Variants in DLG1 observed in about 807,000 individuals in gnomAD.
The protein encoded by DLG1 is disks large homolog 1.
In DLG1, 42 loss-of-function variants were observed where a neutral mutation model predicts 123.4. The observed-to-expected ratio is 0.34, with a 90% CI of 0.27 to 0.44. The LOEUF (loss-of-function observed/expected upper bound fraction) is 0.44. Ranked by LOEUF, DLG1 falls within the 20% of genes least tolerant of loss-of-function variation. DLG1 has a pLI of 1.00. For missense variants in DLG1, 942 were observed against 1,082.6 expected, an observed-to-expected ratio of 0.87 and a Z score of 1.82; for synonymous variants, 317 against 356.2, an observed-to-expected ratio of 0.89 and a Z score of 1.24.
At chr3:197,052,424 C>T (rs914977164) in intron 23 of DLG1, among the ~76,000 whole-genome samples, 8 of 152,094 alleles carry the variant, frequency 5.3e-5, no homozygotes, top group African/African-American at 1.9e-4. Flanking sequence ...CACTGCACTC[C>T]AGTCTGGGTG....
intron 4 of DLG1, among the ~76,000 whole-genome samples, chr3:197,270,671 A>G (rs1325993264): frequency 2.0e-5 from 3 of 152,312 alleles, no homozygotes; most frequent in East Asian, 1.9e-4. Context: ...CCCCATACAC[A>G]CTTCACAATA....
intron 14 of DLG1, among the ~76,000 whole-genome samples, chr3:197,093,423 C>T (rs1758864680): frequency 6.6e-6 from 1 of 152,220 alleles, no homozygotes; most frequent in Non-Finnish European, 1.5e-5. Context: ...TCCCAAAGTG[C>T]TGGGATTACC....
intron 4 of DLG1, among the ~76,000 whole-genome samples, chr3:197,220,469 C>T (rs1269421250): frequency 6.6e-6 from 1 of 151,874 alleles, no homozygotes; most frequent in Non-Finnish European, 1.5e-5. Flanking sequence ...AAAGAAAAGG[C>T]TAATAATATA....
intron 5 of DLG1, among the ~76,000 whole-genome samples, chr3:197,157,091 C>G (rs1292010828): frequency 6.6e-6 from 1 of 152,168 alleles, no homozygotes; most frequent in Non-Finnish European, 1.5e-5. Flanking sequence ...GAAAGCTTTT[C>G]CTCTAAGATA....
chr3:197,113,753 T>TAG (rs1299193535), intron 13 of DLG1, among the ~76,000 whole-genome samples: 1 of 152,196 alleles, frequency 6.6e-6, no homozygotes, highest in Non-Finnish European at 1.5e-5. Context: ...TAAGCTGCTA[T>TAG]AGTTTCAGAT....
chr3:197,071,237 T>C (rs1470098147), intron 18 of DLG1, among the ~76,000 whole-genome samples: 2 of 151,680 alleles, frequency 1.3e-5, no homozygotes, highest in African/African-American at 2.4e-5. Context: ...GGGAGGGGAG[T>C]GTAAGTGGGA....
intron 15 of DLG1, among the ~76,000 whole-genome samples, chr3:197,088,886 TCATGACAGCTATTGCATAGTCA>T (rs1461629302): frequency 6.6e-6 from 1 of 152,140 alleles, no homozygotes; most frequent in African/African-American, 2.4e-5. Flanking sequence ...CTCGACTGAG[TCATGACAGCTATTGCATAGTCA>T]CATGACTGTA....
chr3:197,257,887 A>G (rs1352758486), intron 4 of DLG1, among the ~76,000 whole-genome samples: 5 of 152,218 alleles, frequency 3.3e-5, no homozygotes, highest in African/African-American at 1.2e-4. Context: ...GACAAAAATG[A>G]CACTTCACTG....
Position 197,288,743 on chromosome 3 carries a change from A to ATACATACATACATAC in DLG1, c.152-5899_152-5898insGTATGTATGTATGTA, listed in dbSNP as rs1553827363. Among the ~76,000 whole-genome samples, 538 of 71,760 alleles carry ATACATACATACATAC rather than the reference A, an allele frequency of 7.5e-3. 4 individuals are homozygous for ATACATACATACATAC. Among genetic ancestry groups the ATACATACATACATAC allele is most frequent in the African/African-American group, 9.9e-3 (134 of 13,594 alleles). 47.1% of individuals were successfully genotyped at this position (71,760 alleles called of 152,430 possible). On this transcript the variant is annotated intron_variant, in intron 3 of 24. Transcript: ENST00000667157. ...TCAAAAAAAAAAAAAAAAAAAAAAA[A>ATACATACATACATAC]ATACATACATACATACATACATACA... is the stretch of plus-strand genomic sequence containing the variant.
intron 21 of DLG1, 108 bp downstream of exon 21, chr3:197,065,600 G>T: frequency 1.0e-6 from 1 of 999,664 alleles, no homozygotes; most frequent in Non-Finnish European, 1.5e-6. Flanking sequence ...AAGAGTAACT[G>T]ATAAAATAAG....
chr3:197,053,181 T>A lies in DLG1; in HGVS notation c.2484-1513A>T, dbSNP rs1480291483. ...GATGAGTATAGAGTTCGTTCCCAAC[T>A]TAAAGGAAAGCCTTCAATATTTTGC... is the stretch of plus-strand genomic sequence containing the variant. On this transcript the variant is annotated intron_variant, in intron 23 of 24. Transcript: ENST00000667157. Among the ~76,000 whole-genome samples, 4 of 152,334 alleles carry A rather than the reference T, an allele frequency of 2.6e-5. 1 individual carries two copies. In the South Asian group the frequency reaches 8.3e-4, roughly 32 times the overall value.
intron 14 of DLG1, among the ~76,000 whole-genome samples, chr3:197,091,893 A>G (rs1388199420): frequency 6.6e-6 from 1 of 152,182 alleles, no homozygotes; most frequent in Non-Finnish European, 1.5e-5. Context: ...TGACAGAGTA[A>G]GAGTAAGCAT....
chr3:197,218,548 G>A (rs145388997), intron 4 of DLG1, among the ~76,000 whole-genome samples: 72 of 152,238 alleles, frequency 4.7e-4, no homozygotes, highest in Middle Eastern at 6.8e-3. Flanking sequence ...TCCTTAAAAC[G>A]TACTATCAAA....
chr3:197,191,195 T>C (rs1431283502), intron 5 of DLG1, among the ~76,000 whole-genome samples: 1 of 152,108 alleles, frequency 6.6e-6, no homozygotes, highest in Non-Finnish European at 1.5e-5. Context: ...ATTTTTTGAA[T>C]TAATTTAGAG....
At chr3:197,255,945 AATG>A (rs1756653503) in intron 4 of DLG1, among the ~76,000 whole-genome samples, 2 of 152,182 alleles carry the variant, frequency 1.3e-5, no homozygotes, top group African/African-American at 4.8e-5. Context: ...CAGAAAAAAT[AATG>A]ATGATGATGA....
chr3:197,176,281 A>G (rs1161624418), intron 5 of DLG1, among the ~76,000 whole-genome samples: 1 of 152,010 alleles, frequency 6.6e-6, no homozygotes, highest in Non-Finnish European at 1.5e-5. Flanking sequence ...CTGCATTTCT[A>G]ATGTACATTT....
chr3:197,201,297 T>C (rs1725577929), intron 4 of DLG1, among the ~76,000 whole-genome samples: 1 of 152,194 alleles, frequency 6.6e-6, no homozygotes, highest in Non-Finnish European at 1.5e-5. Context: ...GGCAGGAGAA[T>C]GGTGTGAACC....
At chr3:197,283,136 C>A (rs1770193884) in intron 3 of DLG1, among the ~76,000 whole-genome samples, 1 of 152,216 alleles carries the variant, frequency 6.6e-6, no homozygotes, top group South Asian at 2.1e-4. Context: ...AACTACTTAA[C>A]CTCTGGTAAC....
intron 18 of DLG1, chr3:197,075,917 A>G: frequency 6.3e-7 from 1 of 1,575,042 alleles, no homozygotes; most frequent in Non-Finnish European, 8.7e-7. Context: ...AGATAATCAA[A>G]GAAAATAGTT....
Sources: gnomAD v4.1 joint callset for allele counts (sites outside exome capture counted in the v4.1 genomes callset) on GRCh38, gnomAD v4.1.1 for gene constraint, MANE v1.5 for transcripts, NCBI Gene and HGNC (gene_info 2026-07-23, HGNC 2026-07-21) for gene names.